FAM240B: variants seen among roughly 807,000 people sequenced by gnomAD.
FAM240B encodes protein FAM240B.
intron 1 of FAM240B, among the ~76,000 whole-genome samples, chr9:38,711,609 C>G (rs1349866138): frequency 1.4e-5 from 2 of 147,008 alleles, no homozygotes; most frequent in African/African-American, 5.4e-5. Flanking sequence ...TTTTCTTTTT[C>G]TTTCTCTCTC....
At chr9:38,703,242 G>A (rs1221385594) in intron 2 of FAM240B, among the ~76,000 whole-genome samples, 3 of 152,184 alleles carry the variant, frequency 2.0e-5, no homozygotes, top group Non-Finnish European at 2.9e-5. Context: ...AAAGTTTGCT[G>A]GCTAGGGAGA....
chr9:38,695,343 A>T (rs1010590573), intron 2 of FAM240B, among the ~76,000 whole-genome samples: 2 of 152,250 alleles, frequency 1.3e-5, no homozygotes, highest in South Asian at 4.1e-4. Context: ...TAACACGGCG[A>T]CACCCCGTCT....
chr9:38,694,358 T>C lies in FAM240B; in HGVS notation c.*418A>G, dbSNP rs1248349302. On this transcript the variant is annotated 3_prime_UTR_variant, in exon 3 of 3. Coordinates refer to ENST00000637493, the MANE Select transcript of FAM240B (RefSeq NM_001394922.1). ...AGAAGGACAAGATTTTATGACTCTT[T>C]TTCCAGGACACCTGGCAAAGCCAAA... is the stretch of plus-strand genomic sequence containing the variant. 3 of 156,790 alleles carry C rather than the reference T, an allele frequency of 1.9e-5. No homozygotes were observed. Among genetic ancestry groups the C allele is most frequent in the Non-Finnish European group, 4.2e-5 (3 of 71,272 alleles). The allele number at this position is 156,790 out of a possible 1,614,324, so 9.7% of individuals were successfully genotyped here. A position where few individuals can be genotyped will look rare whatever the true frequency, so the allele number is the denominator to read the frequency against.
chr9:38,708,322 C>G (rs546185850), intron 1 of FAM240B, among the ~76,000 whole-genome samples: 1 of 152,330 alleles, frequency 6.6e-6, no homozygotes, highest in East Asian at 1.9e-4. Flanking sequence ...AGCCCCCTAT[C>G]CTGCTTCTGC....
At chr9:38,700,149 T>G (rs1821108757) in intron 2 of FAM240B, among the ~76,000 whole-genome samples, 1 of 152,226 alleles carries the variant, frequency 6.6e-6, no homozygotes, top group South Asian at 2.1e-4. Flanking sequence ...TCCTTTCAGT[T>G]TGAATGAAAA....
At chr9:38,702,057 T>G (rs1821134661) in intron 2 of FAM240B, among the ~76,000 whole-genome samples, 1 of 152,222 alleles carries the variant, frequency 6.6e-6, no homozygotes, top group East Asian at 1.9e-4. Context: ...TTGCAAGTTT[T>G]GCTTTCTGGA....
chr9:38,696,724 G>T (rs928843567), intron 2 of FAM240B, among the ~76,000 whole-genome samples: 3 of 152,140 alleles, frequency 2.0e-5, no homozygotes, highest in Non-Finnish European at 4.4e-5. Flanking sequence ...TGAGGCAGGA[G>T]AATCGCTTGA....
intron 1 of FAM240B, among the ~76,000 whole-genome samples, chr9:38,711,469 T>C (rs1179414892): frequency 6.6e-6 from 1 of 152,168 alleles, no homozygotes; most frequent in Non-Finnish European, 1.5e-5. Context: ...CCACCCCACC[T>C]TCAGGCCCCA....
At chr9:38,696,467 G>A (rs1269733231) in intron 2 of FAM240B, among the ~76,000 whole-genome samples, 1 of 152,194 alleles carries the variant, frequency 6.6e-6, no homozygotes, top group Non-Finnish European at 1.5e-5. Flanking sequence ...CTGTTGCTGG[G>A]TGGTGCCTGT....
rs1451132567 is a variant in FAM240B at position 38,694,844 on chromosome 9, G to T, written c.169C>A (p.Leu57Met). Residue 57 changes from leucine to methionine, a missense_variant, in exon 3 of 3, where the codon CTG (leucine) becomes ATG (methionine). Physicochemically the swap from Leu to Met is conservative, Grantham distance 15. Transcript: ENST00000637493. ...TCCAGCATCCTCAGCCTCCTCTCCAGCCTCTGCCTCCATTCTTCTCTGAGT... is the reference window on the plus strand; with the variant it reads ...TCCAGCATCCTCAGCCTCCTCTCCATCCTCTGCCTCCATTCTTCTCTGAGT... ...KKLREEWRQRLERRLRMLDNP... is the reference protein window; with the variant it reads ...KKLREEWRQRMERRLRMLDNP... The T allele has an allele frequency of 1.0e-5, 4 of 398,828 alleles. No individual in the cohort carries two copies. The Admixed American group carries it at 1.8e-4, about 18-fold the overall frequency. 24.7% of individuals were successfully genotyped at this position (398,828 alleles called of 1,614,324 possible).
chr9:38,694,266 T>C lies in FAM240B; in HGVS notation c.*510A>G, dbSNP rs1821040769. The C allele has an allele frequency of 6.6e-6, 1 of 152,348 alleles. No individual in the cohort carries two copies. The highest frequency in any genetic ancestry group is 2.4e-5 in the African/African-American group (1 of 41,462). 9.4% of individuals were successfully genotyped at this position (152,348 alleles called of 1,614,324 possible). On this transcript the variant is annotated 3_prime_UTR_variant, in exon 3 of 3. Coordinates refer to ENST00000637493, the MANE Select transcript of FAM240B (RefSeq NM_001394922.1). ...TTCCTTTTCAAGCCATATTGTTAAA[T>C]TCTTTTTATAATAATAGCTTTATTT...
intron 2 of FAM240B, among the ~76,000 whole-genome samples, chr9:38,700,198 A>T (rs180915445): frequency 6.6e-6 from 1 of 152,332 alleles, no homozygotes; most frequent in East Asian, 1.9e-4. Flanking sequence ...TTCTTTGTAG[A>T]CTAACTCTTG....
intron 1 of FAM240B, among the ~76,000 whole-genome samples, chr9:38,709,788 C>T (rs1178862020): frequency 1.3e-5 from 2 of 152,240 alleles, no homozygotes; most frequent in Non-Finnish European, 2.9e-5. Context: ...CTATTTTTTA[C>T]ATGAGCAACT....
In FAM240B at chr9:38,713,400, C is replaced by G. The variant is rs150489101; in HGVS notation, c.-4+6622G>C. Among the ~76,000 whole-genome samples the G allele has an allele frequency of 2.7e-3, 395 of 144,992 alleles. 2 individuals are homozygous for G. The highest frequency in any genetic ancestry group is 4.0e-3 in the South Asian group (18 of 4,542). ...GGCTGAGGCAGGAGAATGGCGTGAACCTGGGAGGGAGAGCTTGCAGTGAGC... is the reference window on the plus strand; with the variant it reads ...GGCTGAGGCAGGAGAATGGCGTGAAGCTGGGAGGGAGAGCTTGCAGTGAGC... On this transcript the variant is annotated intron_variant, in intron 1 of 2. Transcript: ENST00000637493.
chr9:38,707,464 T>C (rs1821202887), intron 1 of FAM240B, among the ~76,000 whole-genome samples: 1 of 149,830 alleles, frequency 6.7e-6, no homozygotes, highest in Non-Finnish European at 1.5e-5. Flanking sequence ...ACCCAAGGAG[T>C]AAATTAATTC....
rs78966621 is a variant in FAM240B, at chr9:38,719,754, C to G, written c.-4+268G>C. 5.5e-3 allele frequency among the ~76,000 whole-genome samples: 838 copies of G among 152,176 alleles called. 3 individuals carry two copies. Among genetic ancestry groups the G allele is most frequent in the Non-Finnish European group, 9.9e-3 (671 of 68,008 alleles). On this transcript the variant is annotated intron_variant, in intron 1 of 2. Coordinates refer to ENST00000637493, the MANE Select transcript of FAM240B (RefSeq NM_001394922.1). ...AAAGCCTTGCTCTGTGAGATTTACC[C>G]GAATTTCTTGCTTTTTCCACACTCT...
intron 1 of FAM240B, among the ~76,000 whole-genome samples, chr9:38,709,179 T>C (rs1821224887): frequency 6.6e-6 from 1 of 152,206 alleles, no homozygotes; most frequent in Non-Finnish European, 1.5e-5. Flanking sequence ...GCCTCACTGC[T>C]TGTTTTGCTG....
At chr9:38,708,442 C>CT (rs146967052) in intron 1 of FAM240B, among the ~76,000 whole-genome samples, 1 of 152,240 alleles carries the variant, frequency 6.6e-6, no homozygotes, top group East Asian at 1.9e-4. Context: ...CACTAGGGGT[C>CT]ATGTAGACAC....
At chr9:38,713,481 CAAAAAAAAAAAA>C (rs77404875) in intron 1 of FAM240B, among the ~76,000 whole-genome samples, 23 of 83,598 alleles carry the variant, frequency 2.8e-4, no homozygotes, top group South Asian at 1.8e-3. Flanking sequence ...CCGTTTCAAA[CAAAAAAAAAAAA>C]AAAAAAAAAA....
Sources: allele counts gnomAD v4.1 joint callset (sites outside exome capture counted in the v4.1 genomes callset), GRCh38; gene constraint gnomAD v4.1.1; transcripts MANE v1.5; gene names NCBI Gene and HGNC (gene_info 2026-07-23, HGNC 2026-07-21).